NUDT21: variants seen among roughly 807,000 people sequenced by gnomAD.
NUDT21 encodes the protein cleavage and polyadenylation specificity factor subunit 5.
A neutral mutation model predicts 29.8 loss-of-function variants in NUDT21; 5 were observed. The ratio of observed to expected loss-of-function variants is 0.17; its 90% confidence interval spans 0.09 to 0.35. The LOEUF is 0.35. Ranked by LOEUF, NUDT21 falls within the 10% of genes least tolerant of loss-of-function variation. The probability of loss-of-function intolerance (pLI) is 1.00; values close to 1 mark genes in which losing one functional copy is unlikely to be tolerated. For synonymous variants in NUDT21, 113 were observed against 98.5 expected (o/e 1.15, Z -0.87); for missense variants, 76 against 276.0 (o/e 0.28, Z 5.13).
In NUDT21 at chr16:56,429,912, G is replaced by A. The variant is rs1364073692; in HGVS notation, c.*2800C>T. ...GTAAAAATAAAGTCATTAAAAAGCC[G>A]AGAACATAAGAGCACAACATTTAAG... On this transcript the variant is annotated 3_prime_UTR_variant, in exon 7 of 7. Coordinates refer to ENST00000300291, the MANE Select transcript of NUDT21 (RefSeq NM_007006.3). 6 of 152,248 alleles carry A rather than the reference G, an allele frequency of 3.9e-5. No homozygotes were observed. Among genetic ancestry groups the A allele is most frequent in the African/African-American group, 7.2e-5 (3 of 41,548 alleles). 9.4% of individuals were successfully genotyped at this position (152,248 alleles called of 1,614,324 possible). A position where few individuals can be genotyped will look rare whatever the true frequency, so the allele number is the denominator to read the frequency against.
At chr16:56,446,555 T>C in intron 3 of NUDT21, 71 bp downstream of exon 3, 2 of 819,210 alleles carry the variant, frequency 2.4e-6, no homozygotes, top group Non-Finnish European at 4.0e-6. Context: ...ATAAGCATCC[T>C]TTTTACAAGA....
At chr16:56,448,259 G>T (rs777497310) in intron 1 of NUDT21, among the ~76,000 whole-genome samples, 1 of 152,104 alleles carries the variant, frequency 6.6e-6, no homozygotes, top group South Asian at 2.1e-4. Context: ...TTAGAGAAAT[G>T]GTTATCTGAA....
At chr16:56,441,484 C>T (rs1446677527) in intron 3 of NUDT21, among the ~76,000 whole-genome samples, 3 of 152,162 alleles carry the variant, frequency 2.0e-5, no homozygotes, top group African/African-American at 7.2e-5. Flanking sequence ...CCACCTGCCT[C>T]GGCCTCCCAA....
At chr16:56,445,480 A>C (rs979054748) in intron 3 of NUDT21, among the ~76,000 whole-genome samples, 2 of 152,206 alleles carry the variant, frequency 1.3e-5, no homozygotes, top group Non-Finnish European at 2.9e-5. Flanking sequence ...GTGATTATTG[A>C]CTATAGTCAC....
At chr16:56,450,941 AGAGG>A (rs1409587212) in intron 1 of NUDT21, 142 bp downstream of exon 1, 4 of 639,840 alleles carry the variant, frequency 6.3e-6, no homozygotes, top group African/African-American at 1.8e-5. Flanking sequence ...GGGGCCTGAG[AGAGG>A]GAGGAAGGCG....
chr16:56,434,308 A>G, intron 6 of NUDT21, 23 bp downstream of exon 6: 2 of 1,503,698 alleles, frequency 1.3e-6, no homozygotes, highest in Non-Finnish European at 1.9e-6. Flanking sequence ...TGGATGAACC[A>G]AAAAATGTTC....
chr16:56,433,566 T>C (rs1482305171), intron 6 of NUDT21, among the ~76,000 whole-genome samples: 1 of 152,190 alleles, frequency 6.6e-6, no homozygotes, highest in African/African-American at 2.4e-5. Flanking sequence ...TCTAACTGCC[T>C]AAAGATTCAA....
At chr16:56,442,039 G>C (rs1289539726) in intron 3 of NUDT21, among the ~76,000 whole-genome samples, 1 of 152,182 alleles carries the variant, frequency 6.6e-6, no homozygotes, top group Non-Finnish European at 1.5e-5. Context: ...CCGAGTAGCT[G>C]GGACTACAGA....
Position 56,439,614 on chromosome 16 carries a change from T to C in NUDT21, c.471+43A>G, listed in dbSNP as rs374041767. 3.3e-5 allele frequency: 43 copies of C among 1,289,730 alleles called. No individual in the cohort carries two copies. The African/African-American group carries it at 5.2e-4, about 16-fold the overall frequency. The allele number at this position is 1,289,730 out of a possible 1,614,324, so 79.9% of individuals were successfully genotyped here. Reference sequence around the variant, plus strand: ...TTAAAGTGGCTAGAATTAAACGAGCTTTCTGCTTCCAAAATGCCCAGCAAA... The same window carrying C: ...TTAAAGTGGCTAGAATTAAACGAGCCTTCTGCTTCCAAAATGCCCAGCAAA... On this transcript the variant is annotated intron_variant, in intron 4 of 6. Coordinates refer to ENST00000300291, the MANE Select transcript of NUDT21 (RefSeq NM_007006.3).
Position 56,435,727 on chromosome 16 carries a change from CA to C in NUDT21, c.472-899del, listed in dbSNP as rs1387509942. 8.9e-3 allele frequency among the ~76,000 whole-genome samples: 197 copies of C among 22,094 alleles called. 6 individuals are homozygous for C. Among genetic ancestry groups the C allele is most frequent in the African/African-American group, 0.029 (184 of 6,242 alleles). 14.5% of individuals were successfully genotyped at this position (22,094 alleles called of 152,430 possible). On this transcript the variant is annotated intron_variant, in intron 4 of 6. Coordinates refer to ENST00000300291, the MANE Select transcript of NUDT21 (RefSeq NM_007006.3). The stretch of plus-strand genomic sequence containing the variant: ...GGCAACAGAGTGAGACTCTGTCTCC[CA>C]AAAAAAAAAAAAAATTATATATATA...
At chr16:56,441,450 G>C (rs2143939867) in intron 3 of NUDT21, among the ~76,000 whole-genome samples, 1 of 151,786 alleles carries the variant, frequency 6.6e-6, no homozygotes, top group East Asian at 2.0e-4. Flanking sequence ...GGCCAGGATG[G>C]TCTCGATCTT....
intron 4 of NUDT21, 181 bp from the exon 5 acceptor site, chr16:56,435,010 A>G (rs1567537714): frequency 2.4e-6 from 1 of 416,414 alleles, no homozygotes. Flanking sequence ...AATAACAAGC[A>G]GTAAACCAGT....
At chr16:56,449,307 A>G (rs1962252077) in intron 1 of NUDT21, 1 of 152,212 alleles carries the variant, frequency 6.6e-6, no homozygotes, top group South Asian at 2.1e-4. Context: ...AGACATACAT[A>G]TTGTTCTCAT....
chr16:56,433,540 C>T (rs1212304824), intron 6 of NUDT21, among the ~76,000 whole-genome samples: 2 of 152,170 alleles, frequency 1.3e-5, no homozygotes, highest in African/African-American at 4.8e-5. Flanking sequence ...TTTTAAAAAA[C>T]TGCATTTCTT....
At position 56,430,013 on chromosome 16, in the gene NUDT21, T is replaced by C. The variant is rs1241365676; in HGVS notation, c.*2699A>G. ...TCTACCTCTCACTTCTAATTAAACA[T>C]GGAAGAAAACAGACTGGCTAATTTG... On this transcript the variant is annotated 3_prime_UTR_variant, in exon 7 of 7. Coordinates refer to ENST00000300291, the MANE Select transcript of NUDT21 (RefSeq NM_007006.3). 2 of 152,026 alleles carry C rather than the reference T, an allele frequency of 1.3e-5. No homozygotes were observed. Among genetic ancestry groups the C allele is most frequent in the African/African-American group, 2.4e-5 (1 of 41,276 alleles). 9.4% of individuals were successfully genotyped at this position (152,026 alleles called of 1,614,324 possible). A position where few individuals can be genotyped will look rare whatever the true frequency, so the allele number is the denominator to read the frequency against.
At chr16:56,447,739 C>A in intron 2 of NUDT21, 50 bp downstream of exon 2, 1 of 1,539,442 alleles carries the variant, frequency 6.5e-7, no homozygotes, top group Non-Finnish European at 9.0e-7. Context: ...GCTGCATAAA[C>A]AGCAATCCTA....
chr16:56,448,069 T>C, intron 1 of NUDT21, 80 bp from the exon 2 acceptor site: 1 of 1,288,822 alleles, frequency 7.8e-7, no homozygotes, highest in South Asian at 1.3e-5. Context: ...AAAGAAACCA[T>C]GGTACAAAAA....
chr16:56,443,493 T>C (rs1443526484), intron 3 of NUDT21, among the ~76,000 whole-genome samples: 5 of 152,156 alleles, frequency 3.3e-5, no homozygotes, highest in East Asian at 1.9e-4. Context: ...ATTATTTCTA[T>C]AGAAAATTCT....
At chr16:56,439,972 A>G (rs940743366) in intron 3 of NUDT21, among the ~76,000 whole-genome samples, 1 of 152,186 alleles carries the variant, frequency 6.6e-6, no homozygotes, top group East Asian at 1.9e-4. Context: ...TGTGTTCAAA[A>G]TTCAGCTTTC....
Sources: allele counts gnomAD v4.1 joint callset (sites outside exome capture counted in the v4.1 genomes callset), GRCh38; gene constraint gnomAD v4.1.1; transcripts MANE v1.5; gene names NCBI Gene and HGNC (gene_info 2026-07-23, HGNC 2026-07-21).